DOCK1: variants seen among roughly 807,000 people sequenced by gnomAD.
DOCK1 encodes the protein dedicator of cytokinesis 1.
In DOCK1, 138 loss-of-function variants were observed where a neutral mutation model predicts 262.7. That is an observed-to-expected ratio of 0.53 (90% confidence interval 0.46 to 0.61). The LOEUF (loss-of-function observed/expected upper bound fraction) is 0.61, where lower values mean the gene tolerates loss of function less well. DOCK1 is among the 20% of genes least tolerant of loss of function. The pLI is 0.00. For synonymous variants in DOCK1, 866 were observed against 867.4 expected, an observed-to-expected ratio of 1.00 and a Z score of 0.03; for missense variants, 1,908 against 2,370.7, an observed-to-expected ratio of 0.80 and a Z score of 4.05.
At chr10:126,920,772 G>A (rs1170414854) in intron 1 of DOCK1, among the ~76,000 whole-genome samples, 1 of 152,144 alleles carries the variant, frequency 6.6e-6, no homozygotes, top group African/African-American at 2.4e-5. Flanking sequence ...CTTCTCTTAG[G>A]TGTGCACCCA....
chr10:127,264,567 A>G (rs1025585594), intron 29 of DOCK1, among the ~76,000 whole-genome samples: 2 of 152,228 alleles, frequency 1.3e-5, no homozygotes, highest in African/African-American at 4.8e-5. Flanking sequence ...ACTGCAGGAT[A>G]AAACATAAAG....
At chr10:126,942,148 C>T (rs902053672) in intron 1 of DOCK1, among the ~76,000 whole-genome samples, 1 of 149,724 alleles carries the variant, frequency 6.7e-6, no homozygotes, top group East Asian at 1.9e-4. Flanking sequence ...CCTCAGCCTC[C>T]CGAGTAGCGG....
chr10:127,213,978 T>A (rs963121206), intron 27 of DOCK1, among the ~76,000 whole-genome samples: 2 of 152,202 alleles, frequency 1.3e-5, no homozygotes, highest in Admixed American at 1.3e-4. Flanking sequence ...TAGCTGGGAC[T>A]ACAGGCACCC....
intron 23 of DOCK1, among the ~76,000 whole-genome samples, chr10:127,075,755 A>G (rs535828343): frequency 6.6e-6 from 1 of 152,208 alleles, no homozygotes; most frequent in African/African-American, 2.4e-5. Context: ...TGCCCCCGTG[A>G]TTTAGTCACT....
In DOCK1 at chr10:127,043,072, C is replaced by T. The variant is rs763133308; in HGVS notation, c.2109C>T (p.Ile703=). ...ATTGATTAATTTGACAGGTATTTAT[C>T]ATTGGACTGATTGCTGATAGAAAAT... ...DTLVFDALVF[I]IGLIADRKFQ... Residue 703 remains isoleucine (I), a synonymous_variant, in exon 21 of 52, where the codon ATC becomes ATT. Transcript: ENST00000623213. 6 of 1,605,238 alleles carry T rather than the reference C, an allele frequency of 3.7e-6. No individual in the cohort carries two copies.
chr10:127,089,889 G>A (rs2136085402), intron 23 of DOCK1, among the ~76,000 whole-genome samples: 1 of 152,162 alleles, frequency 6.6e-6, no homozygotes, highest in East Asian at 1.9e-4. Flanking sequence ...CTTTTTTGGT[G>A]GCATTTATAA....
chr10:126,992,704 C>T (rs2039872660), intron 6 of DOCK1, among the ~76,000 whole-genome samples: 2 of 124,964 alleles, frequency 1.6e-5, no homozygotes, highest in Non-Finnish European at 3.3e-5. Flanking sequence ...ATACACAATA[C>T]ACAAACACAG....
chr10:127,053,547 G>A (rs1182072780), intron 22 of DOCK1, among the ~76,000 whole-genome samples: 3 of 152,184 alleles, frequency 2.0e-5, no homozygotes, highest in African/African-American at 7.2e-5. Context: ...ACGCTGTGTG[G>A]ATGAACTTAT....
chr10:127,444,402 A>C, intron 50 of DOCK1, 123 bp downstream of exon 50: 4 of 1,250,156 alleles, frequency 3.2e-6, no homozygotes, highest in Non-Finnish European at 4.3e-6. Context: ...GTTTAGATAA[A>C]CACCTGGCTC....
chr10:127,443,496 C>T (rs2070326704), intron 49 of DOCK1, among the ~76,000 whole-genome samples: 1 of 152,110 alleles, frequency 6.6e-6, no homozygotes, highest in African/African-American at 2.4e-5. Context: ...TCTGTTTTCC[C>T]TGCTCTGTCT....
chr10:126,944,619 G>T (rs1021042868), intron 1 of DOCK1, among the ~76,000 whole-genome samples: 1 of 152,082 alleles, frequency 6.6e-6, no homozygotes, highest in African/African-American at 2.4e-5. Flanking sequence ...CACCAAGCCT[G>T]AGGAGGAAGT....
chr10:127,397,708 C>T (rs1373151396), intron 38 of DOCK1, among the ~76,000 whole-genome samples: 7 of 151,436 alleles, frequency 4.6e-5, no homozygotes, highest in African/African-American at 1.2e-4. Flanking sequence ...CTCTATGACC[C>T]GGGCAGCGAC....
At chr10:127,253,181 G>C (rs924720563) in intron 28 of DOCK1, among the ~76,000 whole-genome samples, 2 of 152,188 alleles carry the variant, frequency 1.3e-5, no homozygotes, top group African/African-American at 4.8e-5. Context: ...TGGCTGCCAC[G>C]TGTCCACGTC....
Position 127,105,221 on chromosome 10 carries a change from G to A in DOCK1, c.2446-1010G>A, listed in dbSNP as rs940273463. On this transcript the variant is annotated intron_variant, in intron 23 of 51. Transcript: ENST00000623213. Reference sequence around the variant, plus strand: ...CCTTCCCAGCCATGTGGAACTGTGAGCCCATTAAACCTCTTTCCTTTATAA... The same window carrying A: ...CCTTCCCAGCCATGTGGAACTGTGAACCCATTAAACCTCTTTCCTTTATAA... Among the ~76,000 whole-genome samples the A allele has an allele frequency of 2.6e-4, 40 of 152,266 alleles. 1 individual carries two copies. Among genetic ancestry groups the A allele is most frequent in the African/African-American group, 9.4e-4 (39 of 41,546 alleles).
intron 35 of DOCK1, among the ~76,000 whole-genome samples, chr10:127,378,098 G>C (rs1332823946): frequency 6.6e-6 from 1 of 152,116 alleles, no homozygotes; most frequent in Non-Finnish European, 1.5e-5. Flanking sequence ...TAATGTTGCT[G>C]AGTGTCACTT....
intron 8 of DOCK1, 74 bp downstream of exon 8, chr10:126,998,323 C>G (rs892683994): frequency 1.3e-6 from 2 of 1,581,980 alleles, no homozygotes; most frequent in African/African-American, 2.7e-5. Flanking sequence ...ACCACTGAAG[C>G]GTCCCATTCA....
At chr10:127,129,765 G>A (rs897234828) in intron 27 of DOCK1, among the ~76,000 whole-genome samples, 2 of 152,166 alleles carry the variant, frequency 1.3e-5, no homozygotes, top group African/African-American at 4.8e-5. Flanking sequence ...AGACCCTCTT[G>A]GGATGGGCGG....
intron 38 of DOCK1, among the ~76,000 whole-genome samples, chr10:127,389,088 G>A (rs1264192100): frequency 1.3e-5 from 2 of 152,212 alleles, no homozygotes; most frequent in African/African-American, 4.8e-5. Context: ...CCGTTAAAGA[G>A]GGGGCTTAGG....
In DOCK1 at chr10:127,155,032, C is replaced by T. The variant is rs545675507; in HGVS notation, c.2847+27268C>T. Among the ~76,000 whole-genome samples, 618 of 152,114 alleles carry T rather than the reference C, an allele frequency of 4.1e-3. 1 individual carries two copies. Among genetic ancestry groups the T allele is most frequent in the Admixed American group, 7.1e-3 (109 of 15,276 alleles). On this transcript the variant is annotated intron_variant, in intron 27 of 51. Coordinates refer to ENST00000623213, the MANE Select transcript of DOCK1 (RefSeq NM_001290223.2). ...TGTGTCCAGGCACAGACATGATAAC[C>T]GGAATGTTAAATTTGTGGCAGGAGA...
Sources: gnomAD v4.1 joint callset for allele counts (sites outside exome capture counted in the v4.1 genomes callset) on GRCh38, gnomAD v4.1.1 for gene constraint, MANE v1.5 for transcripts, NCBI Gene and HGNC (gene_info 2026-07-23, HGNC 2026-07-21) for gene names.